Variants in CFTR observed in about 807,000 individuals in gnomAD.
CFTR encodes the protein cystic fibrosis transmembrane conductance regulator.
A neutral mutation model predicts 171.6 loss-of-function variants in CFTR; 181 were observed. The ratio of observed to expected loss-of-function variants is 1.05; its 90% CI spans 0.93 to 1.19. CFTR has a LOEUF of 1.19. Among genes scored for constraint, CFTR ranks in the 50% most tolerant of loss-of-function variants. The pLI, the probability that CFTR is intolerant of heterozygous loss-of-function variation, is 0.00. For missense variants in CFTR, 1,968 were observed against 1,734.7 expected, an observed-to-expected ratio of 1.13 and a Z score of -2.39; for synonymous variants, 583 against 608.0, an observed-to-expected ratio of 0.96 and a Z score of 0.60.
chr7:117,547,790 G>GC (rs1799170886), intron 9 of CFTR, among the ~76,000 whole-genome samples: 1 of 152,114 alleles, frequency 6.6e-6, no homozygotes, highest in Admixed American at 6.5e-5. Flanking sequence ...ATACTCCCTT[G>GC]CATGGTAAGT....
intron 11 of CFTR, among the ~76,000 whole-genome samples, chr7:117,574,002 C>G (rs1337412191): frequency 1.3e-5 from 2 of 151,964 alleles, no homozygotes; most frequent in Non-Finnish European, 2.9e-5. Flanking sequence ...AGCACAGGCT[C>G]TCATACTGCT....
chr7:117,619,283 A>G (rs1221229292), intron 21 of CFTR, among the ~76,000 whole-genome samples: 5 of 152,230 alleles, frequency 3.3e-5, no homozygotes, highest in Admixed American at 1.3e-4. Flanking sequence ...TTAAATAAGC[A>G]CTAAAGATTC....
intron 22 of CFTR, among the ~76,000 whole-genome samples, chr7:117,628,951 G>C (rs1452025320): frequency 6.6e-6 from 1 of 152,018 alleles, no homozygotes; most frequent in African/African-American, 2.4e-5. Flanking sequence ...CTGGTAGAAA[G>C]CCTTGATAAA....
intron 11 of CFTR, among the ~76,000 whole-genome samples, chr7:117,576,894 A>G (rs1346005621): frequency 6.6e-6 from 1 of 152,078 alleles, no homozygotes; most frequent in Non-Finnish European, 1.5e-5. Context: ...TGCTTGGAAC[A>G]TATTGCCTGC....
intron 21 of CFTR, among the ~76,000 whole-genome samples, chr7:117,620,773 C>T (rs1183344802): frequency 6.6e-6 from 1 of 152,146 alleles, no homozygotes; most frequent in Non-Finnish European, 1.5e-5. Flanking sequence ...TGGATTAGAT[C>T]ACAAGTTCTC....
At chr7:117,656,964 A>AT (rs1229221312) in intron 24 of CFTR, among the ~76,000 whole-genome samples, 2 of 152,172 alleles carry the variant, frequency 1.3e-5, no homozygotes, top group Non-Finnish European at 2.9e-5. Flanking sequence ...ATGTACTTAG[A>AT]TTAACCGTTT....
rs397508296 is a variant in CFTR at position 117,590,426 on chromosome 7, G to A, written c.1753G>A (p.Glu585Lys). ...FGYLDVLTEK[E>K]IFESCVCKLM... is the part of the protein sequence containing the mutation. ...ATACCTAGATGTTTTAACAGAAAAA[G>A]AAATATTTGAAAGGTATGTTCTTTG... is the stretch of plus-strand genomic sequence containing the variant. Residue 585 changes from glutamate (E) to lysine (K), a missense_variant, in exon 13 of 27, where the codon GAA becomes AAA. By Grantham distance (56) the Glu-to-Lys change is moderately conservative. Coordinates refer to ENST00000003084, the MANE Select transcript of CFTR (RefSeq NM_000492.4). The A allele has an allele frequency of 6.2e-7, 1 of 1,601,358 alleles. No individual in the cohort carries two copies.
rs397508736 is a variant in CFTR at position 117,534,280 on chromosome 7, T to C, written c.494T>C (p.Leu165Ser). Residue 165 changes from leucine to serine, a missense_variant, in exon 5 of 27, where the codon TTA (leucine) becomes TCA (serine). Coordinates refer to ENST00000003084, the MANE Select transcript of CFTR (RefSeq NM_000492.4). ...AACTTTCCATTTTTCTTTTAGACTT[T>C]AAAGCTGTCAAGCCGTGTTCTAGAT... The part of the protein sequence containing the change: ...AMFSLIYKKT[L>S]KLSSRVLDKI... 6 of 1,551,098 alleles carry C rather than the reference T, an allele frequency of 3.9e-6. No homozygotes were observed. The highest frequency in any genetic ancestry group is 5.3e-6 in the Non-Finnish European group (6 of 1,123,704).
At chr7:117,483,461 AT>A (rs1248193988) in intron 1 of CFTR, among the ~76,000 whole-genome samples, 1 of 152,118 alleles carries the variant, frequency 6.6e-6, no homozygotes, top group African/African-American at 2.4e-5. Flanking sequence ...AAATATAAAG[AT>A]TTTTCATCAT....
At chr7:117,485,019 G>A (rs1319302572) in intron 1 of CFTR, among the ~76,000 whole-genome samples, 3 of 152,050 alleles carry the variant, frequency 2.0e-5, no homozygotes, top group East Asian at 1.9e-4. Flanking sequence ...GGGAAATCAC[G>A]GTTTTCCAGT....
chr7:117,523,020 T>G (rs1351126598), intron 3 of CFTR, among the ~76,000 whole-genome samples: 1 of 152,302 alleles, frequency 6.6e-6, no homozygotes, highest in East Asian at 1.9e-4. Flanking sequence ...CAGATGATCT[T>G]ATTATTAGAA....
chr7:117,540,045 T>C, intron 7 of CFTR, 55 bp from the exon 8 acceptor site: 1 of 1,464,918 alleles, frequency 6.8e-7, no homozygotes, highest in Non-Finnish European at 9.4e-7. Context: ...CCAAGATCCC[T>C]GATATTTGAA....
At chr7:117,499,453 G>GTGTGTA (rs1798287534) in intron 1 of CFTR, among the ~76,000 whole-genome samples, 1 of 149,674 alleles carries the variant, frequency 6.7e-6, no homozygotes, top group Admixed American at 6.8e-5. Context: ...GTGTGTGTGT[G>GTGTGTA]TGTGTGTGTT....
chr7:117,643,651 A>G (rs1439399371), intron 23 of CFTR, among the ~76,000 whole-genome samples: 1 of 152,204 alleles, frequency 6.6e-6, no homozygotes, highest in Non-Finnish European at 1.5e-5. Flanking sequence ...AGGGATTGTC[A>G]GATGATCTAA....
intron 11 of CFTR, among the ~76,000 whole-genome samples, chr7:117,579,503 C>G (rs567297256): frequency 7.3e-5 from 11 of 151,600 alleles, no homozygotes; most frequent in Non-Finnish European, 1.3e-4. Flanking sequence ...TATAGATATG[C>G]TTAAAACAGT....
At chr7:117,586,898 T>C (rs577088138) in intron 11 of CFTR, among the ~76,000 whole-genome samples, 5 of 152,294 alleles carry the variant, frequency 3.3e-5, no homozygotes, top group African/African-American at 1.2e-4. Flanking sequence ...TTCTGTTATG[T>C]ACAAAATTAA....
chr7:117,523,522 G>A (rs1196096099), intron 3 of CFTR, among the ~76,000 whole-genome samples: 9 of 151,868 alleles, frequency 5.9e-5, no homozygotes, highest in African/African-American at 1.5e-4. Flanking sequence ...GACTACAGGC[G>A]CCCGCCTCCA....
chr7:117,526,092 T>C (rs1216570735), intron 3 of CFTR, among the ~76,000 whole-genome samples: 1 of 151,466 alleles, frequency 6.6e-6, no homozygotes, highest in African/African-American at 2.4e-5. Context: ...TGACAAAATC[T>C]CTCAGCATTT....
At chr7:117,576,781 G>T (rs1791776430) in intron 11 of CFTR, among the ~76,000 whole-genome samples, 1 of 152,068 alleles carries the variant, frequency 6.6e-6, no homozygotes. Context: ...TCAGAAGCCA[G>T]CTCTTTCATT....
Sources: allele counts gnomAD v4.1 joint callset (sites outside exome capture counted in the v4.1 genomes callset), GRCh38; gene constraint gnomAD v4.1.1; transcripts MANE v1.5; gene names NCBI Gene and HGNC (gene_info 2026-07-23, HGNC 2026-07-21).